Variants in FBXO17 observed in about 807,000 individuals in gnomAD.
FBXO17 encodes F-box protein 17.
FBXO17 carries 43 observed loss-of-function variants against 34.1 expected under a neutral mutation model. The ratio of observed to expected loss-of-function variants is 1.26; its 90% confidence interval spans 0.99 to 1.62. The LOEUF is 1.62. Ranked by LOEUF, FBXO17 falls within the 40% of genes most tolerant of loss-of-function variation. The pLI, the probability that FBXO17 is intolerant of heterozygous loss-of-function variation, is 0.00. For missense variants in FBXO17, 424 were observed against 386.7 expected, an observed-to-expected ratio of 1.10 and a Z score of -0.81; for synonymous variants, 169 against 166.0, an observed-to-expected ratio of 1.02 and a Z score of -0.14.
At chr19:38,974,460 T>C (rs1975435413) in intron 1 of FBXO17, among the ~76,000 whole-genome samples, 1 of 152,144 alleles carries the variant, frequency 6.6e-6, no homozygotes, top group Non-Finnish European at 1.5e-5. Context: ...GTATATTTAA[T>C]GGAACAATAA....
In FBXO17 at chr19:38,945,188, A is replaced by G. The variant is rs541130698; in HGVS notation, c.558-84T>C. On this transcript the variant is annotated intron_variant, in intron 4 of 5. Coordinates refer to ENST00000292852, the MANE Select transcript of FBXO17 (RefSeq NM_024907.7). ...GGGCGGGAGGCTGAGGGCTGGCTCC[A>G]TCTTGATGAAGGTCCTGCACATCTG... 2.6e-6 allele frequency: 4 copies of G among 1,553,580 alleles called. No homozygotes were observed. In the Admixed American group the frequency reaches 7.1e-5, roughly 27 times the overall value.
chr19:38,952,971 T>G (rs1439878532), intron 1 of FBXO17, among the ~76,000 whole-genome samples: 1 of 152,150 alleles, frequency 6.6e-6, no homozygotes, highest in Non-Finnish European at 1.5e-5. Context: ...TGCCCTCATT[T>G]CTTCCTTAGC....
At chr19:38,948,411 C>T (rs1975018673) in intron 3 of FBXO17, among the ~76,000 whole-genome samples, 156 bp downstream of exon 3, 1 of 152,206 alleles carries the variant, frequency 6.6e-6, no homozygotes, top group Non-Finnish European at 1.5e-5. Context: ...AAACAGTACC[C>T]TCAACAAGTA....
intron 3 of FBXO17, 74 bp downstream of exon 3, chr19:38,948,493 C>T (rs1975019834): frequency 5.4e-6 from 6 of 1,107,090 alleles, no homozygotes; most frequent in Non-Finnish European, 6.6e-6. Flanking sequence ...ACGATGAGGA[C>T]AGTGTGGGGG....
intron 1 of FBXO17, among the ~76,000 whole-genome samples, chr19:38,967,816 T>C (rs1361637117): frequency 6.6e-6 from 1 of 152,138 alleles, no homozygotes; most frequent in African/African-American, 2.4e-5. Context: ...TCCTCCTTCC[T>C]TGACCTCTCA....
At chr19:38,948,502 G>A in intron 3 of FBXO17, 65 bp downstream of exon 3, 1 of 1,269,060 alleles carries the variant, frequency 7.9e-7, no homozygotes, top group South Asian at 1.3e-5. Flanking sequence ...ACAGTGTGGG[G>A]GGTAGGGTCC....
rs1404189147 is a variant in FBXO17 at position 38,941,890 on chromosome 19, T to A, written c.*718A>T. 1.3e-5 allele frequency: 2 copies of A among 152,098 alleles called. No homozygotes were observed. Among genetic ancestry groups the A allele is most frequent in the African/African-American group, 4.8e-5 (2 of 41,404 alleles). 9.4% of individuals were successfully genotyped at this position (152,098 alleles called of 1,614,324 possible). On this transcript the variant is annotated 3_prime_UTR_variant, in exon 6 of 6. Transcript: ENST00000292852. ...TTGTTAGTCTCAAGGACAGACTGCC[T>A]CAGCGGACCTCTGCTCCCTGCCCAC...
chr19:38,961,062 C>T (rs546457931), intron 1 of FBXO17, among the ~76,000 whole-genome samples: 1 of 152,236 alleles, frequency 6.6e-6, no homozygotes, highest in Non-Finnish European at 1.5e-5. Context: ...CCCGCCTTGG[C>T]CTCCTAAAGT....
intron 1 of FBXO17, among the ~76,000 whole-genome samples, chr19:38,954,118 G>C (rs765285565): frequency 6.6e-6 from 1 of 152,094 alleles, no homozygotes; most frequent in Non-Finnish European, 1.5e-5. Context: ...TCACAGACTT[G>C]AAATTAGCCT....
Position 38,946,939 on chromosome 19 carries a change from A to G in FBXO17, c.462-372T>C, listed in dbSNP as rs575723571. The G allele has an allele frequency of 2.7e-4, 60 of 221,240 alleles. No individual in the cohort carries two copies. In the South Asian group the frequency reaches 3.8e-3, roughly 14 times the overall value. 13.7% of individuals were successfully genotyped at this position (221,240 alleles called of 1,614,324 possible). A position where few individuals can be genotyped will look rare whatever the true frequency, so the allele number is the denominator to read the frequency against. ...CTGGACAGCCTTGTCTCTGTCACCC[A>G]TTGCTTCCTGTTGGATCAGCCAATG... On this transcript the variant is annotated intron_variant, in intron 3 of 5. Coordinates refer to ENST00000292852, the MANE Select transcript of FBXO17 (RefSeq NM_024907.7).
intron 1 of FBXO17, among the ~76,000 whole-genome samples, chr19:38,952,037 G>A (rs966761012): frequency 3.3e-5 from 5 of 151,676 alleles, no homozygotes; most frequent in South Asian, 2.1e-4. Flanking sequence ...TGCGACCTCC[G>A]CCTCCCGGGT....
chr19:38,963,335 C>T (rs867608525), intron 1 of FBXO17, among the ~76,000 whole-genome samples: 1 of 150,866 alleles, frequency 6.6e-6, no homozygotes, highest in African/African-American at 2.4e-5. Context: ...CACTCTGTTG[C>T]CCAGGCTGGA....
rs865878714 is a variant in FBXO17, at chr19:38,953,784, G to A, written c.-17-3448C>T. Among the ~76,000 whole-genome samples the A allele has an allele frequency of 3.9e-5, 6 of 152,130 alleles. No homozygotes were observed. In the South Asian group the frequency reaches 6.2e-4, roughly 16 times the overall value. ...GAAACTGAATGAGCAGCAGAGAGAG[G>A]TGAGAACCAGGGACGGTGGCTGGAA... On this transcript the variant is annotated intron_variant, in intron 1 of 5. Coordinates refer to ENST00000292852, the MANE Select transcript of FBXO17 (RefSeq NM_024907.7).
At chr19:38,946,299 T>C in intron 4 of FBXO17, 173 bp downstream of exon 4, 8 of 1,181,446 alleles carry the variant, frequency 6.8e-6, no homozygotes, top group Non-Finnish European at 9.3e-6. Flanking sequence ...CTCTGGCTTC[T>C]CCAAAGCTCT....
At chr19:38,963,543 T>C (rs1481728918) in intron 1 of FBXO17, among the ~76,000 whole-genome samples, 1 of 152,028 alleles carries the variant, frequency 6.6e-6, no homozygotes, top group African/African-American at 2.4e-5. Flanking sequence ...TCTTCCCAGC[T>C]TGGCCTCCCA....
chr19:38,950,451 G>T, intron 1 of FBXO17, 115 bp from the exon 2 acceptor site: 1 of 1,294,622 alleles, frequency 7.7e-7, no homozygotes, highest in Non-Finnish European at 1.0e-6. Flanking sequence ...AGGTCCATGG[G>T]CAACCAGGGA....
Position 38,950,152 on chromosome 19 carries a change from G to A in FBXO17, c.168C>T (p.Pro56=), listed in dbSNP as rs1255981518. Residue 56 remains proline (P), a synonymous_variant, in exon 2 of 6, where the codon CCC becomes CCT. Coordinates refer to ENST00000292852, the MANE Select transcript of FBXO17 (RefSeq NM_024907.7). ...CRAWRDIVDG[P]TVWLLQLARD... ...GGGCCAGCTGCAGCAGCCACACAGT[G>A]GGCCCGTCCACTATGTCGCGCCAGG... The A allele has an allele frequency of 6.4e-7, 1 of 1,562,728 alleles. No homozygotes were observed.
intron 3 of FBXO17, 94 bp from the exon 4 acceptor site, chr19:38,946,661 C>A (rs1254738791): frequency 1.3e-6 from 2 of 1,538,174 alleles, no homozygotes; most frequent in South Asian, 1.2e-5. Flanking sequence ...CCCTTGATAA[C>A]CCTCTCTAAA....
At position 38,950,198 on chromosome 19, in the gene FBXO17, C is replaced by G; in HGVS notation, c.122G>C (p.Arg41Pro). 6.4e-7 allele frequency: 1 copy of G among 1,554,288 alleles called. No homozygotes were observed. ...CCAGGCGCGGCACACTGGGCGGCAT[C>G]GCGTGACCAAGGAGCGTGGCGGCAC... ...SHVPPRSLVT[R>P]CRPVCRAWRD... The change falls in exon 2 of 6, where the codon CGA (arginine) becomes CCA (proline). Residue 41 changes from arginine (R) to proline (P), a missense_variant. By Grantham distance (103) the Arg-to-Pro change is moderately radical. Coordinates refer to ENST00000292852, the MANE Select transcript of FBXO17 (RefSeq NM_024907.7).
Sources: gnomAD v4.1 joint callset for allele counts (sites outside exome capture counted in the v4.1 genomes callset) on GRCh38, gnomAD v4.1.1 for gene constraint, MANE v1.5 for transcripts, NCBI Gene and HGNC (gene_info 2026-07-23, HGNC 2026-07-21) for gene names.